PTPRN2: variants seen among roughly 807,000 people sequenced by gnomAD.
PTPRN2 encodes the protein receptor-type tyrosine-protein phosphatase N2.
PTPRN2 carries 74 observed loss-of-function variants against 118.8 expected under a neutral mutation model. The observed-to-expected ratio is 0.62, with a 90% CI of 0.52 to 0.76. PTPRN2 has a LOEUF of 0.76. PTPRN2 is among the 30% of genes least tolerant of loss of function. PTPRN2 has a pLI of 0.00. For synonymous variants in PTPRN2, 641 were observed against 608.0 expected, an observed-to-expected ratio of 1.05 and a Z score of -0.80; for missense variants, 1,481 against 1,394.4, an observed-to-expected ratio of 1.06 and a Z score of -0.99.
Position 158,530,867 on chromosome 7 carries a change from G to A in PTPRN2, c.113-41082C>T, listed in dbSNP as rs113349668. Among the ~76,000 whole-genome samples the A allele has an allele frequency of 2.8e-3, 428 of 152,312 alleles. 3 individuals carry two copies. Among genetic ancestry groups the A allele is most frequent in the South Asian group, 0.022 (104 of 4,822 alleles). ...TGGGTCCCATGCAGGTTCCAGGAAGGACGTTCACTCAGCAGAGCAGGGGAA... is the reference window on the plus strand; with the variant it reads ...TGGGTCCCATGCAGGTTCCAGGAAGAACGTTCACTCAGCAGAGCAGGGGAA... On this transcript the variant is annotated intron_variant, in intron 1 of 22. Coordinates refer to ENST00000389418, the MANE Select transcript of PTPRN2 (RefSeq NM_002847.5).
intron 6 of PTPRN2, among the ~76,000 whole-genome samples, chr7:158,141,585 T>C (rs1205324608): frequency 1.3e-5 from 2 of 152,208 alleles, no homozygotes; most frequent in Non-Finnish European, 2.9e-5. Flanking sequence ...TTGAAGCTGG[T>C]TCTTCAGGGG....
intron 1 of PTPRN2, among the ~76,000 whole-genome samples, chr7:158,542,009 A>G (rs1407360166): frequency 6.6e-6 from 1 of 152,286 alleles, no homozygotes; most frequent in Non-Finnish European, 1.5e-5. Flanking sequence ...TAACATTTCT[A>G]TATATTTGTC....
chr7:158,255,825 G>T (rs1796988334), intron 3 of PTPRN2, among the ~76,000 whole-genome samples: 1 of 151,726 alleles, frequency 6.6e-6, no homozygotes, highest in African/African-American at 2.4e-5. Flanking sequence ...TGTCCCTGGG[G>T]CTTGGCACTA....
chr7:158,326,831 GCT>G lies in PTPRN2; in HGVS notation c.164-9901_164-9900del, dbSNP rs1320605369. On this transcript the variant is annotated intron_variant, in intron 2 of 22. Coordinates refer to ENST00000389418, the MANE Select transcript of PTPRN2 (RefSeq NM_002847.5). ...CACACATGCACACATCCTCACACAT[GCT>G]CTCACATGCATTCTCACACACATGC... Among the ~76,000 whole-genome samples the G allele has an allele frequency of 9.5e-4, 14 of 14,792 alleles. 1 individual carries two copies. The highest frequency in any genetic ancestry group is 7.6e-3 in the African/African-American group (14 of 1,836). 9.7% of individuals were successfully genotyped at this position (14,792 alleles called of 152,430 possible).
In PTPRN2 at chr7:158,294,037, C is replaced by T. The variant is rs373784219; in HGVS notation, c.277+22782G>A. ...TAAAAGTACAGCAAATACACATGTA[C>T]CGTGCACAGCTAGACTAGACTTTCA... On this transcript the variant is annotated intron_variant, in intron 3 of 22. Coordinates refer to ENST00000389418, the MANE Select transcript of PTPRN2 (RefSeq NM_002847.5). Among the ~76,000 whole-genome samples the T allele has an allele frequency of 5.9e-5, 9 of 152,330 alleles. 1 individual carries two copies. In the South Asian group the frequency reaches 1.9e-3, roughly 32 times the overall value.
chr7:158,123,610 G>A (rs958627590), intron 9 of PTPRN2, among the ~76,000 whole-genome samples: 2 of 152,112 alleles, frequency 1.3e-5, no homozygotes, highest in African/African-American at 4.8e-5. Context: ...CTGCTAGTGG[G>A]GCTGTCCACA....
At chr7:158,360,972 C>T (rs1224476402) in intron 2 of PTPRN2, among the ~76,000 whole-genome samples, 1 of 10,298 alleles carries the variant, frequency 9.7e-5, no homozygotes, top group East Asian at 2.3e-3. Context: ...CCCAGGACGA[C>T]GCACAGACCC....
At position 157,852,006 on chromosome 7, in the gene PTPRN2, A is replaced by G. The variant is rs1584868111; in HGVS notation, c.1788+46667T>C. ...TCAAATAACCACCCGCTCAGAAGAAAAAACCTCTGTGCAGAGCCTTTTGTG... is the reference window on the plus strand; with the variant it reads ...TCAAATAACCACCCGCTCAGAAGAAGAAACCTCTGTGCAGAGCCTTTTGTG... On this transcript the variant is annotated intron_variant, in intron 12 of 22. Transcript: ENST00000389418. Among the ~76,000 whole-genome samples, 3 of 152,350 alleles carry G rather than the reference A, an allele frequency of 2.0e-5. 1 individual carries two copies. The highest frequency in any genetic ancestry group is 2.0e-4 in the Admixed American group (3 of 15,314).
intron 12 of PTPRN2, among the ~76,000 whole-genome samples, chr7:157,734,131 TTC>T (rs1800146912): frequency 9.8e-6 from 1 of 102,364 alleles, no homozygotes; most frequent in African/African-American, 3.8e-5. Flanking sequence ...CAGTTACCCT[TTC>T]CCGTCCCAGG....
intron 11 of PTPRN2, among the ~76,000 whole-genome samples, chr7:157,935,824 C>T (rs1367509969): frequency 6.7e-6 from 1 of 150,238 alleles, no homozygotes; most frequent in Non-Finnish European, 1.5e-5. Flanking sequence ...TGTGTCACTC[C>T]CTCAGGGGGG....
intron 3 of PTPRN2, among the ~76,000 whole-genome samples, chr7:158,265,358 G>A (rs4909161): frequency 6.6e-6 from 1 of 151,770 alleles, no homozygotes; most frequent in Non-Finnish European, 1.5e-5. Flanking sequence ...CTGCAGGCAG[G>A]TACATACCTA....
Position 157,831,614 on chromosome 7 carries a change from C to T in PTPRN2, c.1788+67059G>A, listed in dbSNP as rs1807575374. Among the ~76,000 whole-genome samples, 1 of 152,152 alleles carries T rather than the reference C, an allele frequency of 6.6e-6. No homozygotes were observed. Among genetic ancestry groups the T allele is most frequent in the South Asian group, 2.1e-4 (1 of 4,828 alleles). On this transcript the variant is annotated intron_variant, in intron 12 of 22. Coordinates refer to ENST00000389418, the MANE Select transcript of PTPRN2 (RefSeq NM_002847.5). The surrounding 1 kb of genome is among the most constrained non-coding windows in gnomAD (Gnocchi z 4.8). Reference sequence around the variant, plus strand: ...AGTGAGCATTTCAGAGCCATCTCCACCTGTCAGAACGAGCAGGAAGACATC... The same window carrying T: ...AGTGAGCATTTCAGAGCCATCTCCATCTGTCAGAACGAGCAGGAAGACATC...
intron 1 of PTPRN2, among the ~76,000 whole-genome samples, chr7:158,536,290 T>C (rs1825639206): frequency 6.6e-6 from 1 of 152,228 alleles, no homozygotes; most frequent in South Asian, 2.1e-4. Context: ...TTTGAAACTT[T>C]GCCTGGTTTC....
At chr7:157,570,864 A>G (rs112659589) in intron 20 of PTPRN2, among the ~76,000 whole-genome samples, 2,104 of 152,250 alleles carry the variant, frequency 0.014, 49 homozygotes, top group African/African-American at 0.048. Context: ...GTGTCATGGG[A>G]CCACAGGGTT....
rs1443825736 is a variant in PTPRN2, at chr7:157,674,131, C to T, written c.2001+8594G>A. 2.0e-5 allele frequency among the ~76,000 whole-genome samples: 3 copies of T among 152,108 alleles called. No individual in the cohort carries two copies. The highest frequency in any genetic ancestry group is 1.9e-4 in the East Asian group (1 of 5,178). On this transcript the variant is annotated intron_variant, in intron 13 of 22. Coordinates refer to ENST00000389418, the MANE Select transcript of PTPRN2 (RefSeq NM_002847.5). The surrounding 1 kb of genome is among the most constrained non-coding windows in gnomAD (Gnocchi z 4.5). ...CCAATCACAGCTCTGGGGACCCCCA[C>T]GTGTCAGCCATGGCAAAATGAACCC...
At chr7:158,464,759 C>A (rs1280264621) in intron 2 of PTPRN2, among the ~76,000 whole-genome samples, 7 of 151,354 alleles carry the variant, frequency 4.6e-5, no homozygotes, top group African/African-American at 1.7e-4. Flanking sequence ...AGTAAATAAT[C>A]CTTCATCATC....
chr7:158,454,357 C>A (rs1586712051), intron 2 of PTPRN2, among the ~76,000 whole-genome samples: 2 of 150,920 alleles, frequency 1.3e-5, no homozygotes, highest in East Asian at 3.9e-4. Flanking sequence ...AGAGGACAGA[C>A]AAGACACAAC....
rs1019344365 is a variant in PTPRN2 at position 158,343,600 on chromosome 7, G to C, written c.164-26668C>G. 4.7e-5 allele frequency among the ~76,000 whole-genome samples: 7 copies of C among 149,060 alleles called. No homozygotes were observed. In the South Asian group the frequency reaches 1.3e-3, roughly 28 times the overall value. On this transcript the variant is annotated intron_variant, in intron 2 of 22. Transcript: ENST00000389418. ...CTCGCGCAGAGGCTCAGGCAGCCATGCTGGTGGCACATGGGCTGTCGCGAC... is the reference window on the plus strand; with the variant it reads ...CTCGCGCAGAGGCTCAGGCAGCCATCCTGGTGGCACATGGGCTGTCGCGAC...
chr7:158,469,005 T>G (rs1270320081), intron 2 of PTPRN2, among the ~76,000 whole-genome samples: 1 of 151,170 alleles, frequency 6.6e-6, no homozygotes, highest in Non-Finnish European at 1.5e-5. Flanking sequence ...TCCCGGTGGA[T>G]CAACACTATG....
Sources: allele counts gnomAD v4.1 joint callset (sites outside exome capture counted in the v4.1 genomes callset), GRCh38; gene constraint gnomAD v4.1.1; non-coding constraint Gnocchi (gnomAD v3.1); transcripts MANE v1.5; gene names NCBI Gene and HGNC (gene_info 2026-07-23, HGNC 2026-07-21).